TCF4: variants seen among roughly 807,000 people sequenced by gnomAD.
TCF4 encodes the protein transcription factor 4.
Under a neutral mutation model 82.1 loss-of-function variants are expected in TCF4, and 3 were observed. The ratio of observed to expected loss-of-function variants is 0.04; its 90% CI spans 0.02 to 0.09. The LOEUF is 0.09. Among genes scored for constraint, TCF4 ranks in the 10% least tolerant of loss-of-function variants. The pLI is 1.00. For synonymous variants in TCF4, 276 were observed against 309.6 expected, an observed-to-expected ratio of 0.89 and a Z score of 1.14; for missense variants, 518 against 852.7, an observed-to-expected ratio of 0.61 and a Z score of 4.89.
At chr18:55,412,714 A>C (rs542876988) in intron 5 of TCF4, among the ~76,000 whole-genome samples, 1 of 152,324 alleles carries the variant, frequency 6.6e-6, no homozygotes, top group African/African-American at 2.4e-5. Flanking sequence ...AGACAACATC[A>C]TCTGGGCAAG....
intron 3 of TCF4, among the ~76,000 whole-genome samples, chr18:55,488,198 A>G (rs1568201826): frequency 6.6e-6 from 1 of 152,210 alleles, no homozygotes; most frequent in African/African-American, 2.4e-5. Flanking sequence ...TTCATTGGCT[A>G]TAGTCTAATA....
intron 3 of TCF4, among the ~76,000 whole-genome samples, chr18:55,494,157 G>GACAC (rs3138626): frequency 0.11 from 15,630 of 147,680 alleles, 1,124 homozygotes; most frequent in South Asian, 0.22. Context: ...AAATATTATG[G>GACAC]ACACACACAC....
At chr18:55,622,761 T>G (rs1269909865) in intron 2 of TCF4, among the ~76,000 whole-genome samples, 1 of 152,106 alleles carries the variant, frequency 6.6e-6, no homozygotes, top group African/African-American at 2.4e-5. Flanking sequence ...CTCTTTCTCA[T>G]TCTCTAGGCC....
In TCF4 at chr18:55,621,469, A is replaced by AATATATAT. The variant is rs1568500160; in HGVS notation, c.286+9828_286+9829insATATATAT. The stretch of plus-strand genomic sequence containing the variant: ...ATATAATATATATAATATATAATAT[A>AATATATAT]TATAAAAATATAATATATATTATAT... On this transcript the variant is annotated intron_variant, in intron 2 of 20. Transcript: ENST00000398339. 6.7e-3 allele frequency among the ~76,000 whole-genome samples: 180 copies of AATATATAT among 26,980 alleles called. 3 individuals carry two copies. The highest frequency in any genetic ancestry group is 0.016 in the Admixed American group (28 of 1,760). 17.7% of individuals were successfully genotyped at this position (26,980 alleles called of 152,430 possible).
At chr18:55,477,664 C>T (rs1287187610) in intron 3 of TCF4, among the ~76,000 whole-genome samples, 2 of 152,164 alleles carry the variant, frequency 1.3e-5, no homozygotes, top group African/African-American at 2.4e-5. Flanking sequence ...AGGTCTATGA[C>T]GGAAAAATGG....
chr18:55,462,292 T>C (rs2095881890), intron 4 of TCF4, among the ~76,000 whole-genome samples: 2 of 152,176 alleles, frequency 1.3e-5, no homozygotes, highest in South Asian at 4.1e-4. Context: ...ATACCAGGCA[T>C]TGCATAATGC....
At chr18:55,506,805 A>G (rs1175995573) in intron 3 of TCF4, among the ~76,000 whole-genome samples, 8 of 152,188 alleles carry the variant, frequency 5.3e-5, no homozygotes, top group Admixed American at 1.3e-4. Flanking sequence ...ACAATAACTA[A>G]GAGTAACATA....
chr18:55,554,909 T>C (rs1323929279), intron 3 of TCF4, among the ~76,000 whole-genome samples: 1 of 152,226 alleles, frequency 6.6e-6, no homozygotes, highest in African/African-American at 2.4e-5. Flanking sequence ...ATGCTGCCTA[T>C]TAATACAAAA....
chr18:55,363,348 T>C (rs2085985720), intron 6 of TCF4, among the ~76,000 whole-genome samples: 1 of 152,214 alleles, frequency 6.6e-6, no homozygotes, highest in African/African-American at 2.4e-5. Flanking sequence ...TTTACGTTTT[T>C]GCTTCACACT....
intron 8 of TCF4, among the ~76,000 whole-genome samples, chr18:55,312,792 A>T (rs2072957489): frequency 6.6e-6 from 1 of 152,164 alleles, no homozygotes; most frequent in Admixed American, 6.5e-5. Context: ...AACCTCTGGG[A>T]AGTAGGATTA....
At chr18:55,565,387 A>G (rs2097395652) in intron 3 of TCF4, among the ~76,000 whole-genome samples, 1 of 152,194 alleles carries the variant, frequency 6.6e-6, no homozygotes, top group South Asian at 2.1e-4. Flanking sequence ...ACAAAACTTG[A>G]GTTTTCAATA....
chr18:55,578,980 T>C (rs2097552322), intron 3 of TCF4, among the ~76,000 whole-genome samples: 1 of 151,854 alleles, frequency 6.6e-6, no homozygotes, highest in Non-Finnish European at 1.5e-5. Flanking sequence ...TAAACACACC[T>C]GGGTATTTGA....
chr18:55,421,914 CTG>C (rs1342670454), intron 5 of TCF4, among the ~76,000 whole-genome samples: 10 of 152,038 alleles, frequency 6.6e-5, no homozygotes, highest in Non-Finnish European at 1.5e-4. Context: ...TAACAGCTCT[CTG>C]TGTTAAATAT....
intron 13 of TCF4, chr18:55,257,609 G>C (rs2057161957): frequency 1.7e-6 from 1 of 592,528 alleles, no homozygotes; most frequent in East Asian, 2.8e-5. Flanking sequence ...AATTCCCCCA[G>C]GCTGGCTGTC....
intron 8 of TCF4, among the ~76,000 whole-genome samples, chr18:55,297,554 G>C (rs895698957): frequency 3.9e-5 from 6 of 152,160 alleles, no homozygotes; most frequent in Admixed American, 3.9e-4. Flanking sequence ...AGAGAGGAAA[G>C]TAGTTAGCTC....
At chr18:55,598,679 C>T (rs925659295) in intron 2 of TCF4, among the ~76,000 whole-genome samples, 36 of 152,194 alleles carry the variant, frequency 2.4e-4, no homozygotes, top group African/African-American at 8.2e-4. Flanking sequence ...GCCATGAAAA[C>T]GAGCATTCAA....
At chr18:55,406,126 CTTT>C (rs34522468) in intron 5 of TCF4, among the ~76,000 whole-genome samples, 4,112 of 116,014 alleles carry the variant, frequency 0.035, 198 homozygotes, top group African/African-American at 0.12. Context: ...GGGAGGTGGA[CTTT>C]TTTTTTTTTT....
intron 2 of TCF4, among the ~76,000 whole-genome samples, chr18:55,612,478 A>T (rs1449792775): frequency 6.6e-6 from 1 of 152,194 alleles, no homozygotes; most frequent in Non-Finnish European, 1.5e-5. Flanking sequence ...ACATGGGAAC[A>T]ATAATAATGT....
rs144734009 is a variant in TCF4, at chr18:55,366,176, T to A, written c.370-15173A>T. Reference sequence around the variant, plus strand: ...ATTTATTTGTTATTTGGCTTTTGTTTTTCTTCAGAAAAGGTAGATATTTAT... The same window carrying A: ...ATTTATTTGTTATTTGGCTTTTGTTATTCTTCAGAAAAGGTAGATATTTAT... On this transcript the variant is annotated intron_variant, in intron 6 of 19. Coordinates refer to ENST00000354452, the MANE Select transcript of TCF4 (RefSeq NM_001083962.2). Among the ~76,000 whole-genome samples, 470 of 152,314 alleles carry A rather than the reference T, an allele frequency of 3.1e-3. 6 individuals are homozygous for A. Among genetic ancestry groups the A allele is most frequent in the East Asian group, 0.01 (52 of 5,190 alleles).
Sources: gnomAD v4.1 joint callset for allele counts (sites outside exome capture counted in the v4.1 genomes callset) on GRCh38, gnomAD v4.1.1 for gene constraint, MANE v1.5 for transcripts, NCBI Gene and HGNC (gene_info 2026-07-23, HGNC 2026-07-21) for gene names.